The following PAWR variants were observed in gnomAD, a reference collection of about 807,000 sequenced individuals.
PAWR encodes the protein pro-apoptotic WT1 regulator, also known as PRKC apoptosis WT1 regulator protein.
In PAWR, 23 loss-of-function variants were observed where a neutral mutation model predicts 32.0. The ratio of observed to expected loss-of-function variants is 0.72; its 90% CI spans 0.52 to 1.02. The LOEUF is 1.02. PAWR is among the 50% of genes least tolerant of loss of function. PAWR has a pLI of 0.00. For missense variants in PAWR, 457 were observed against 437.7 expected (o/e 1.04, Z -0.39); for synonymous variants, 226 against 187.1 (o/e 1.21, Z -1.70).
chr12:79,687,109 A>G (rs530361687), intron 2 of PAWR, among the ~76,000 whole-genome samples: 7 of 152,346 alleles, frequency 4.6e-5, no homozygotes, highest in Admixed American at 4.6e-4. Context: ...AAAATTTAGA[A>G]AAAAGGATAT....
chr12:79,610,565 G>T (rs1874386853), intron 4 of PAWR, among the ~76,000 whole-genome samples: 1 of 152,020 alleles, frequency 6.6e-6, no homozygotes. Context: ...TCACTCAGTT[G>T]ATACTAGCCA....
At chr12:79,604,333 T>C (rs966809485) in intron 4 of PAWR, 3 of 1,006,878 alleles carry the variant, frequency 3.0e-6, no homozygotes, top group South Asian at 4.2e-5. Flanking sequence ...CACCCCTTAC[T>C]GGAAGTTTTC....
chr12:79,596,693 G>A, intron 4 of PAWR, 35 bp from the exon 5 acceptor site: 2 of 1,424,824 alleles, frequency 1.4e-6, no homozygotes, highest in African/African-American at 1.5e-5. Flanking sequence ...AAAATCCCTA[G>A]TATTCAGCAA....
At chr12:79,648,098 C>T (rs1459314779) in intron 2 of PAWR, among the ~76,000 whole-genome samples, 1 of 152,196 alleles carries the variant, frequency 6.6e-6, no homozygotes, top group Non-Finnish European at 1.5e-5. Context: ...GGCTCACCTC[C>T]TGCTGTGTGG....
At chr12:79,689,010 G>T (rs754387834) in intron 2 of PAWR, among the ~76,000 whole-genome samples, 2 of 152,114 alleles carry the variant, frequency 1.3e-5, no homozygotes, top group Non-Finnish European at 2.9e-5. Context: ...GCTCCAAACT[G>T]CAAACAACCC....
intron 2 of PAWR, among the ~76,000 whole-genome samples, chr12:79,651,010 T>C (rs970078172): frequency 6.6e-6 from 1 of 152,224 alleles, no homozygotes; most frequent in Non-Finnish European, 1.5e-5. Flanking sequence ...CAATTTTTCA[T>C]TGTATTAAAG....
At position 79,587,460 on chromosome 12, in the gene PAWR, T is replaced by C. The variant is rs1873416733; in HGVS notation, c.*5147A>G. 1 of 152,064 alleles carries C rather than the reference T, an allele frequency of 6.6e-6. No homozygotes were observed. Among genetic ancestry groups the C allele is most frequent in the Admixed American group, 6.5e-5 (1 of 15,274 alleles). The allele number at this position is 152,064 out of a possible 1,614,324, so 9.4% of individuals were successfully genotyped here. On this transcript the variant is annotated 3_prime_UTR_variant, in exon 7 of 7. Transcript: ENST00000328827. ...CTGAAATTCTTTGGACACCATCAGA[T>C]TTAGTTTATAAGAGTTCTGATTTTG...
At chr12:79,689,144 CTG>C (rs1021034242) in intron 2 of PAWR, among the ~76,000 whole-genome samples, 4 of 152,184 alleles carry the variant, frequency 2.6e-5, no homozygotes, top group African/African-American at 4.8e-5. Flanking sequence ...CAGAAAAACA[CTG>C]TGTGTTTAGG....
chr12:79,662,061 C>T lies in PAWR; in HGVS notation c.516+27668G>A, dbSNP rs368454729. Among the ~76,000 whole-genome samples the T allele has an allele frequency of 9.2e-5, 14 of 152,118 alleles. No homozygotes were observed. In the East Asian group the frequency reaches 2.7e-3, roughly 29 times the overall value. ...CATATTACCTAAATGACAGAAAAAT[C>T]TCAGTCAATACGCATAGTAGCATTT... On this transcript the variant is annotated intron_variant, in intron 2 of 6. Transcript: ENST00000328827.
chr12:79,678,254 T>C (rs1878266964), intron 2 of PAWR, among the ~76,000 whole-genome samples: 1 of 152,234 alleles, frequency 6.6e-6, no homozygotes, highest in Admixed American at 6.5e-5. Context: ...AGTTGTTGCA[T>C]AAACAGATAT....
intron 2 of PAWR, among the ~76,000 whole-genome samples, chr12:79,667,444 C>T (rs1008619590): frequency 2.0e-5 from 3 of 152,044 alleles, no homozygotes; most frequent in African/African-American, 7.2e-5. Context: ...AACAAGACCA[C>T]GGGGGATGCA....
chr12:79,595,383 G>C (rs913117369), intron 5 of PAWR, among the ~76,000 whole-genome samples: 2 of 152,150 alleles, frequency 1.3e-5, no homozygotes, highest in African/African-American at 4.8e-5. Flanking sequence ...CCCAGAACTT[G>C]GCTTCTTTCT....
intron 2 of PAWR, among the ~76,000 whole-genome samples, chr12:79,671,355 C>T (rs1464237947): frequency 6.6e-6 from 1 of 152,104 alleles, no homozygotes; most frequent in Non-Finnish European, 1.5e-5. Flanking sequence ...TAGATTTAAT[C>T]AAAACAGGAA....
intron 5 of PAWR, 152 bp from the exon 6 acceptor site, chr12:79,594,585 T>C (rs1413262419): frequency 1.7e-6 from 1 of 572,860 alleles, no homozygotes; most frequent in Non-Finnish European, 3.0e-6. Context: ...GGAACAAAGA[T>C]CCCACCACAA....
intron 2 of PAWR, among the ~76,000 whole-genome samples, chr12:79,672,841 A>C (rs1877975940): frequency 6.6e-6 from 1 of 152,118 alleles, no homozygotes; most frequent in Admixed American, 6.5e-5. Context: ...AATTTCATTT[A>C]TATTTCTATT....
intron 4 of PAWR, chr12:79,597,885 C>T (rs1223521819): frequency 5.3e-5 from 8 of 152,088 alleles, no homozygotes; most frequent in Admixed American, 1.3e-4. Context: ...GATTATGATT[C>T]GGGGCTTCTC....
At chr12:79,653,464 G>T (rs974440244) in intron 2 of PAWR, among the ~76,000 whole-genome samples, 1 of 151,836 alleles carries the variant, frequency 6.6e-6, no homozygotes, top group African/African-American at 2.4e-5. Flanking sequence ...ATATTTTTCA[G>T]TGAATGTTTG....
rs866902463 is a variant in PAWR at position 79,632,340 on chromosome 12, T to C, written c.517-11133A>G. Among the ~76,000 whole-genome samples, 538 of 61,676 alleles carry C rather than the reference T, an allele frequency of 8.7e-3. 69 individuals are homozygous for C. The highest frequency in any genetic ancestry group is 0.084 in the African/African-American group (428 of 5,068). The allele number at this position is 61,676 out of a possible 152,430, so 40.5% of individuals were successfully genotyped here. A position where few individuals can be genotyped will look rare whatever the true frequency, so the allele number is the denominator to read the frequency against. On this transcript the variant is annotated intron_variant, in intron 2 of 6. Transcript: ENST00000328827. ...ATATATATATATATATATATATATA[T>C]ATATATATATATATATATATATTTT...
At chr12:79,604,104 C>T (rs750054707) in intron 4 of PAWR, 3 of 252,122 alleles carry the variant, frequency 1.2e-5, no homozygotes, top group Non-Finnish European at 1.9e-5. Context: ...CCAAATTTAG[C>T]CATTTAACCT....
Sources: allele counts gnomAD v4.1 joint callset (sites outside exome capture counted in the v4.1 genomes callset), GRCh38; gene constraint gnomAD v4.1.1; transcripts MANE v1.5; gene names NCBI Gene and HGNC (gene_info 2026-07-23, HGNC 2026-07-21).